The following LRRIQ3 variants were observed in gnomAD, a reference collection of about 807,000 sequenced individuals.
The protein encoded by LRRIQ3 is leucine rich repeats and IQ motif containing 3.
LRRIQ3 carries 75 observed loss-of-function variants against 59.3 expected under a neutral mutation model. The ratio of observed to expected loss-of-function variants is 1.26; its 90% CI spans 1.05 to 1.53. The LOEUF (loss-of-function observed/expected upper bound fraction) is 1.53, where lower values mean the gene tolerates loss of function less well. Ranked by LOEUF, LRRIQ3 falls within the 40% of genes most tolerant of loss-of-function variation. The pLI, the probability that LRRIQ3 is intolerant of heterozygous loss-of-function variation, is 0.00. For synonymous variants in LRRIQ3, 250 were observed against 231.3 expected, an observed-to-expected ratio of 1.08 and a Z score of -0.73; for missense variants, 831 against 710.0, an observed-to-expected ratio of 1.17 and a Z score of -1.94.
At chr1:74,129,030 C>G (rs188021912) in intron 4 of LRRIQ3, among the ~76,000 whole-genome samples, 35 of 152,132 alleles carry the variant, frequency 2.3e-4, no homozygotes, top group Admixed American at 2.1e-3. Flanking sequence ...GTGGCCACCA[C>G]CACTGGAACT....
intron 5 of LRRIQ3, among the ~76,000 whole-genome samples, chr1:74,080,963 A>G (rs1055636930): frequency 6.6e-6 from 1 of 151,622 alleles, no homozygotes; most frequent in Non-Finnish European, 1.5e-5. Context: ...AGAAAGGAGC[A>G]TGGTTCAAAT....
At chr1:74,054,472 C>T (rs1360164110) in intron 6 of LRRIQ3, among the ~76,000 whole-genome samples, 2 of 151,850 alleles carry the variant, frequency 1.3e-5, no homozygotes, top group Non-Finnish European at 2.9e-5. Context: ...TATCATTGTA[C>T]GTTTTTCAAA....
intron 3 of LRRIQ3, among the ~76,000 whole-genome samples, chr1:74,161,097 G>A (rs749648815): frequency 1.2e-4 from 18 of 151,970 alleles, no homozygotes; most frequent in Non-Finnish European, 5.9e-5. Context: ...GGCAGTTTTA[G>A]TGTTGGATTA....
At chr1:74,130,159 A>G (rs939122478) in intron 4 of LRRIQ3, among the ~76,000 whole-genome samples, 4 of 152,140 alleles carry the variant, frequency 2.6e-5, no homozygotes, top group African/African-American at 9.6e-5. Flanking sequence ...CCAGCCCAGC[A>G]CCAGGACTTG....
intron 3 of LRRIQ3, among the ~76,000 whole-genome samples, chr1:74,162,860 G>C (rs574277346): frequency 6.6e-6 from 1 of 151,726 alleles, no homozygotes; most frequent in African/African-American, 2.4e-5. Context: ...GGAAAGAAGA[G>C]ATAGGAAAAG....
intron 3 of LRRIQ3, among the ~76,000 whole-genome samples, chr1:74,166,775 C>T (rs569020933): frequency 1.3e-4 from 20 of 151,598 alleles, no homozygotes; most frequent in Middle Eastern, 3.4e-3. Context: ...TTACACCATC[C>T]TCTTTTGGGC....
At chr1:74,138,938 A>G (rs1647175332) in intron 4 of LRRIQ3, among the ~76,000 whole-genome samples, 1 of 151,450 alleles carries the variant, frequency 6.6e-6, no homozygotes. Flanking sequence ...GTAATATGTC[A>G]CTTTGGGAGG....
chr1:74,170,734 G>A lies in LRRIQ3; in HGVS notation c.573+11804C>T, dbSNP rs576931669. 2.8e-4 allele frequency among the ~76,000 whole-genome samples: 43 copies of A among 152,070 alleles called. No homozygotes were observed. In the East Asian group the frequency reaches 6.0e-3, roughly 21 times the overall value. On this transcript the variant is annotated intron_variant, in intron 3 of 7. Transcript: ENST00000354431. ...AAAAAAGTACTTAGGTATTTTGATA[G>A]GAATTGATCAAATCTGCATTGCTTT...
chr1:74,099,665 C>A lies in LRRIQ3; in HGVS notation c.867+9729G>T, dbSNP rs150439052. 8.9e-3 allele frequency among the ~76,000 whole-genome samples: 1,357 copies of A among 152,250 alleles called. 6 individuals carry two copies. Among genetic ancestry groups the A allele is most frequent in the Middle Eastern group, 0.017 (5 of 294 alleles). On this transcript the variant is annotated intron_variant, in intron 5 of 7. Transcript: ENST00000354431. ...CGATGCAAAATTCCTCAATAAAATA[C>A]TAGCAAACCGAATCCAGCAACACAT... is the stretch of plus-strand genomic sequence containing the variant.
chr1:74,142,747 A>G lies in LRRIQ3; in HGVS notation c.707+12986T>C, dbSNP rs374877353. Among the ~76,000 whole-genome samples, 27 of 152,092 alleles carry G rather than the reference A, an allele frequency of 1.8e-4. No individual in the cohort carries two copies. The East Asian group carries it at 4.5e-3, about 25-fold the overall frequency. The stretch of plus-strand genomic sequence containing the variant: ...GAGGCGATCATGCTGTTACATCTTG[A>G]ATCATTAGGGCATGCGTCAAGGCCA... On this transcript the variant is annotated intron_variant, in intron 4 of 7. Transcript: ENST00000354431.
At chr1:74,081,212 T>C (rs185224090) in intron 5 of LRRIQ3, among the ~76,000 whole-genome samples, 89 of 151,592 alleles carry the variant, frequency 5.9e-4, no homozygotes, top group Non-Finnish European at 1.1e-3. Context: ...ACAGGAAACA[T>C]ATAGTATAAA....
chr1:74,195,976 C>A (rs1651090038), intron 1 of LRRIQ3, among the ~76,000 whole-genome samples: 2 of 151,824 alleles, frequency 1.3e-5, no homozygotes, highest in South Asian at 4.2e-4. Context: ...GAAATTTACT[C>A]CTACTCATAT....
At chr1:74,194,923 T>C (rs1008624508) in intron 1 of LRRIQ3, among the ~76,000 whole-genome samples, 1 of 152,070 alleles carries the variant, frequency 6.6e-6, no homozygotes, top group Non-Finnish European at 1.5e-5. Flanking sequence ...CCTCTCCCTA[T>C]CCCTTTCCCC....
chr1:74,190,837 A>C (rs2100741724), intron 1 of LRRIQ3, among the ~76,000 whole-genome samples: 1 of 152,290 alleles, frequency 6.6e-6, no homozygotes, highest in South Asian at 2.1e-4. Flanking sequence ...TTTATCAGAA[A>C]CCATGCAGGC....
At chr1:74,186,344 G>A (rs2100732463) in intron 1 of LRRIQ3, among the ~76,000 whole-genome samples, 1 of 152,044 alleles carries the variant, frequency 6.6e-6, no homozygotes, top group South Asian at 2.1e-4. Context: ...ACTACTAATG[G>A]TATTATTCCA....
At chr1:74,190,136 A>G (rs141805449) in intron 1 of LRRIQ3, among the ~76,000 whole-genome samples, 1 of 152,096 alleles carries the variant, frequency 6.6e-6, no homozygotes. Flanking sequence ...TGACCACAAA[A>G]TTGGAGCAAC....
At chr1:74,101,058 T>C (rs1012658035) in intron 5 of LRRIQ3, among the ~76,000 whole-genome samples, 1 of 152,008 alleles carries the variant, frequency 6.6e-6, no homozygotes, top group Non-Finnish European at 1.5e-5. Flanking sequence ...AATTGACAAA[T>C]GGGATCTAAT....
Position 74,026,033 on chromosome 1 carries a change from C to G in LRRIQ3, c.*780G>C, listed in dbSNP as rs1475141766. 1 of 151,848 alleles carries G rather than the reference C, an allele frequency of 6.6e-6. No individual in the cohort carries two copies. The highest frequency in any genetic ancestry group is 1.9e-4 in the East Asian group (1 of 5,184). The allele number at this position is 151,848 out of a possible 1,614,324, so 9.4% of individuals were successfully genotyped here. A position where few individuals can be genotyped will look rare whatever the true frequency, so the allele number is the denominator to read the frequency against. On this transcript the variant is annotated 3_prime_UTR_variant, in exon 8 of 8. Transcript: ENST00000354431. ...CAAAGGATTTTTCTGTCTTTTTTAA[C>G]AGTTTATTTTTCAAATTTTCTACCA...
chr1:74,054,062 C>G (rs1412314427), intron 6 of LRRIQ3, among the ~76,000 whole-genome samples: 1 of 152,102 alleles, frequency 6.6e-6, no homozygotes, highest in East Asian at 1.9e-4. Context: ...GTACAAAAAC[C>G]TGCACATGGA....
Sources: allele counts gnomAD v4.1 joint callset (sites outside exome capture counted in the v4.1 genomes callset), GRCh38; gene constraint gnomAD v4.1.1; transcripts MANE v1.5; gene names NCBI Gene and HGNC (gene_info 2026-07-23, HGNC 2026-07-21).